Variants in ISM2 observed in about 807,000 individuals in gnomAD.
The protein encoded by ISM2 is isthmin 2.
Under a neutral mutation model 58.0 loss-of-function variants are expected in ISM2, and 50 were observed. That is an observed-to-expected ratio of 0.86 (90% CI 0.69 to 1.09). The LOEUF is 1.09. Ranked by LOEUF, ISM2 falls within the 50% of genes least tolerant of loss-of-function variation. The pLI is 0.00. For synonymous variants in ISM2, 303 were observed against 312.4 expected (o/e 0.97, Z 0.32); for missense variants, 723 against 745.0 (o/e 0.97, Z 0.34).
Position 77,475,731 on chromosome 14 carries a change from G to C in ISM2, c.1580C>G (p.Thr527Arg), listed in dbSNP as rs373456605. ...FSPKLHFKFD[T>R]TPWILCKGDW... is the part of the protein sequence containing the mutation. Reference sequence around the variant, plus strand: ...CCCCTTGCACAGGATCCAGGGCGTCGTGTCGAACTTGAAGTGCAGCTTAGG... The same window carrying C: ...CCCCTTGCACAGGATCCAGGGCGTCCTGTCGAACTTGAAGTGCAGCTTAGG... The change falls in exon 7 of 7, where the codon ACG (threonine) becomes AGG (arginine). Residue 527 changes from threonine (T) to arginine (R), a missense_variant. Transcript: ENST00000342219. This position sits in a 1 kb window ranked among gnomAD's most constrained non-coding sequence, Gnocchi z 4.1. 6.2e-7 allele frequency: 1 copy of C among 1,613,990 alleles called. No homozygotes were observed. The highest frequency in any genetic ancestry group is 8.5e-7 in the Non-Finnish European group (1 of 1,180,036).
chr14:77,491,681 C>T (rs1372704627), intron 1 of ISM2, among the ~76,000 whole-genome samples: 5 of 150,484 alleles, frequency 3.3e-5, no homozygotes, highest in East Asian at 1.9e-4. Flanking sequence ...CATGGGCCAC[C>T]GCGTCTGGTC....
chr14:77,498,221 C>T (rs1351624034), intron 1 of ISM2: 13 of 1,284,130 alleles, frequency 1.0e-5, no homozygotes, highest in Non-Finnish European at 1.2e-5. Flanking sequence ...GGAAGGGGCT[C>T]ACCTGACCGT....
At chr14:77,480,695 C>CTACA (rs35222738) in intron 4 of ISM2, among the ~76,000 whole-genome samples, 38,420 of 151,124 alleles carry the variant, frequency 0.25, 5,277 homozygotes, top group Middle Eastern at 0.42. Context: ...GTAGCTGGGA[C>CTACA]TACAGGCAGG....
At chr14:77,482,262 C>T in intron 4 of ISM2, 60 bp downstream of exon 4, 2 of 1,331,640 alleles carry the variant, frequency 1.5e-6, no homozygotes, top group Non-Finnish European at 1.0e-6. Context: ...TCCCTCACCC[C>T]CATTTCCACT....
At chr14:77,481,526 C>T (rs961978443) in intron 4 of ISM2, among the ~76,000 whole-genome samples, 54 of 152,078 alleles carry the variant, frequency 3.6e-4, no homozygotes, top group Non-Finnish European at 5.9e-5. Flanking sequence ...ACAGCCAACT[C>T]CATGTAGTAA....
chr14:77,478,300 G>A lies in ISM2; in HGVS notation c.1140C>T (p.Gly380=). ...CPGTEDKDTL[G]LPSEEWKLLA... ...GGAGCTTCCACTCCTCACTGGGGAG[G>A]CCCAAGGTGTCCTTGTCCTCAGTGC... The change falls in exon 6 of 7, where the codon GGC becomes GGT. Residue 380 remains glycine, a synonymous_variant. Transcript: ENST00000342219. 1 of 1,614,100 alleles carries A rather than the reference G, an allele frequency of 6.2e-7. No homozygotes were observed. Among genetic ancestry groups the A allele is most frequent in the Non-Finnish European group, 8.5e-7 (1 of 1,179,956 alleles).
In ISM2 at chr14:77,498,815, C is replaced by T; in HGVS notation, c.-22G>A. On this transcript the variant is annotated 5_prime_UTR_variant, in exon 1 of 7. Coordinates refer to ENST00000342219, the MANE Select transcript of ISM2 (RefSeq NM_199296.3). The stretch of plus-strand genomic sequence containing the variant: ...GCATCGTCTCGGTTCCGAGGCTGCT[C>T]TGCCTGCACCTCTGCACGCGGCCGC... 1 of 1,367,344 alleles carries T rather than the reference C, an allele frequency of 7.3e-7. No homozygotes were observed. The highest frequency in any genetic ancestry group is 9.4e-7 in the Non-Finnish European group (1 of 1,065,978). 84.7% of individuals were successfully genotyped at this position (1,367,344 alleles called of 1,614,324 possible).
chr14:77,497,291 TCGGGTGG>T (rs1472390767), intron 1 of ISM2, among the ~76,000 whole-genome samples: 1 of 143,732 alleles, frequency 7.0e-6, no homozygotes, highest in East Asian at 2.2e-4. Flanking sequence ...TAGCTTGAAC[TCGGGTGG>T]CAGAAGTTGC....
chr14:77,478,314 T>C lies in ISM2; in HGVS notation c.1126A>G (p.Lys376Glu). Residue 376 changes from lysine (K) to glutamate (E), a missense_variant, in exon 6 of 7, where the codon AAG becomes GAG. Physicochemically the swap from Lys to Glu is moderately conservative, Grantham distance 56. Coordinates refer to ENST00000342219, the MANE Select transcript of ISM2 (RefSeq NM_199296.3). ...DLPSCPGTEDKDTLGLPSEEW... is the reference protein window; with the variant it reads ...DLPSCPGTEDEDTLGLPSEEW... ...TCACTGGGGAGGCCCAAGGTGTCCTTGTCCTCAGTGCCTTTGGGAGGAAAG... is the reference window on the plus strand; with the variant it reads ...TCACTGGGGAGGCCCAAGGTGTCCTCGTCCTCAGTGCCTTTGGGAGGAAAG... The C allele has an allele frequency of 6.2e-7, 1 of 1,614,066 alleles. No homozygotes were observed. Among genetic ancestry groups the C allele is most frequent in the Non-Finnish European group, 8.5e-7 (1 of 1,179,898 alleles).
intron 1 of ISM2, among the ~76,000 whole-genome samples, chr14:77,497,733 AGGAAGGAGGGAG>A (rs1394810911): frequency 0.027 from 1,030 of 37,478 alleles, 36 homozygotes; most frequent in South Asian, 0.068. Context: ...AAAAGTAGGA[AGGAAGGAGGGAG>A]GGAGGGAGGG....
At chr14:77,484,242 A>G (rs73316987) in intron 3 of ISM2, 81 bp downstream of exon 3, 225,786 of 1,525,654 alleles carry the variant, frequency 0.15, 18,254 homozygotes, top group African/African-American at 0.28. Flanking sequence ...AATCCAGGAT[A>G]TAGGGTATCC....
chr14:77,498,028 C>T (rs982839157), intron 1 of ISM2, among the ~76,000 whole-genome samples: 2 of 152,162 alleles, frequency 1.3e-5, no homozygotes, highest in Admixed American at 1.3e-4. Context: ...GTAGACCCCT[C>T]AGTGACTGGA....
chr14:77,490,819 T>C (rs975205954), intron 1 of ISM2, among the ~76,000 whole-genome samples: 7 of 152,228 alleles, frequency 4.6e-5, no homozygotes, highest in Non-Finnish European at 7.3e-5. Flanking sequence ...GCCTCATTCC[T>C]GTCCTTCTCT....
chr14:77,483,004 C>T, intron 3 of ISM2: 1 of 222,732 alleles, frequency 4.5e-6, no homozygotes, highest in Non-Finnish European at 8.7e-6. Flanking sequence ...CTTTGAATCT[C>T]GGCTCTGCCA....
intron 1 of ISM2, among the ~76,000 whole-genome samples, chr14:77,489,032 TTC>T (rs148400275): frequency 2.0e-5 from 3 of 151,646 alleles, no homozygotes; most frequent in South Asian, 4.2e-4. Flanking sequence ...TCTTTACCAG[TTC>T]TCTCTCTCTC....
intron 1 of ISM2, among the ~76,000 whole-genome samples, chr14:77,486,723 G>A (rs2079170151): frequency 6.6e-6 from 1 of 152,144 alleles, no homozygotes; most frequent in African/African-American, 2.4e-5. Flanking sequence ...ACCCTAGCCT[G>A]GTGGTGGCTG....
chr14:77,488,436 C>G (rs1057005312), intron 1 of ISM2, among the ~76,000 whole-genome samples: 1 of 152,124 alleles, frequency 6.6e-6, no homozygotes, highest in Non-Finnish European at 1.5e-5. Flanking sequence ...GACAGTAACC[C>G]CTTGTGGGCC....
intron 1 of ISM2, chr14:77,498,177 C>A: frequency 8.7e-7 from 1 of 1,147,190 alleles, no homozygotes; most frequent in East Asian, 6.6e-5. Context: ...CTGCCGGCGG[C>A]TGGAGAGCCC....
intron 1 of ISM2, among the ~76,000 whole-genome samples, chr14:77,493,273 G>A (rs1354302207): frequency 6.6e-6 from 1 of 152,030 alleles, no homozygotes; most frequent in East Asian, 1.9e-4. Flanking sequence ...TGGGATTACA[G>A]GTATGAGCCA....
Sources: allele counts gnomAD v4.1 joint callset (sites outside exome capture counted in the v4.1 genomes callset), GRCh38; gene constraint gnomAD v4.1.1; non-coding constraint Gnocchi (gnomAD v3.1); transcripts MANE v1.5; gene names NCBI Gene and HGNC (gene_info 2026-07-23, HGNC 2026-07-21).